The following UBR3 variants were observed in gnomAD, a reference collection of about 807,000 sequenced individuals.
UBR3 encodes the protein E3 ubiquitin-protein ligase UBR3.
In UBR3, 85 loss-of-function variants were observed where a neutral mutation model predicts 243.2. That is an observed-to-expected ratio of 0.35 (90% CI 0.29 to 0.42). The LOEUF (loss-of-function observed/expected upper bound fraction) is 0.42, where lower values mean the gene tolerates loss of function less well. Ranked by LOEUF, UBR3 falls within the 10% of genes least tolerant of loss-of-function variation. UBR3 has a pLI of 1.00. For synonymous variants in UBR3, 748 were observed against 799.8 expected, an observed-to-expected ratio of 0.94 and a Z score of 1.09; for missense variants, 1,686 against 2,300.8, an observed-to-expected ratio of 0.73 and a Z score of 5.47.
chr2:170,014,153 G>T, intron 29 of UBR3: 1 of 183,120 alleles, frequency 5.5e-6, no homozygotes. Context: ...TTAGAAATGG[G>T]TGGCAAATGT....
chr2:169,852,209 A>C (rs955365696), intron 1 of UBR3, among the ~76,000 whole-genome samples: 1 of 152,206 alleles, frequency 6.6e-6, no homozygotes, highest in African/African-American at 2.4e-5. Flanking sequence ...ACAGTGACTC[A>C]GATTTCTGTT....
At position 169,832,972 on chromosome 2, in the gene UBR3, A is replaced by G. The variant is rs181622508; in HGVS notation, c.545+4920A>G. Among the ~76,000 whole-genome samples, 8 of 152,276 alleles carry G rather than the reference A, an allele frequency of 5.3e-5. No individual in the cohort carries two copies. The East Asian group carries it at 1.5e-3, about 29-fold the overall frequency. On this transcript the variant is annotated intron_variant, in intron 1 of 38. Transcript: ENST00000272793. ...TGCTTTATGGGTGGATGAACTCAAA[A>G]CAAAATAACCTGTAATGGAAAGTCT...
intron 1 of UBR3, among the ~76,000 whole-genome samples, chr2:169,842,931 G>A (rs2082348400): frequency 6.6e-6 from 1 of 152,170 alleles, no homozygotes; most frequent in South Asian, 2.1e-4. Flanking sequence ...TTTCTGATAC[G>A]ATATTCCTCA....
intron 1 of UBR3, among the ~76,000 whole-genome samples, chr2:169,844,492 C>CTT (rs71006046): frequency 1.8e-5 from 2 of 111,328 alleles, no homozygotes; most frequent in African/African-American, 3.3e-5. Flanking sequence ...AACCCTCTCT[C>CTT]TTTTTTTTTT....
At chr2:169,852,208 C>T (rs1265389226) in intron 1 of UBR3, among the ~76,000 whole-genome samples, 1 of 152,182 alleles carries the variant, frequency 6.6e-6, no homozygotes, top group Non-Finnish European at 1.5e-5. Flanking sequence ...AACAGTGACT[C>T]AGATTTCTGT....
chr2:170,030,768 C>A (rs1240065432), intron 31 of UBR3, among the ~76,000 whole-genome samples: 2 of 151,942 alleles, frequency 1.3e-5, no homozygotes, highest in Non-Finnish European at 2.9e-5. Flanking sequence ...TTTTTTTCCT[C>A]AATATTTAAA....
At chr2:169,834,387 A>T (rs1356896865) in intron 1 of UBR3, among the ~76,000 whole-genome samples, 1 of 152,196 alleles carries the variant, frequency 6.6e-6, no homozygotes, top group East Asian at 1.9e-4. Flanking sequence ...GTATTCTTGT[A>T]TACACTTGTT....
intron 5 of UBR3, among the ~76,000 whole-genome samples, chr2:169,885,398 A>C (rs1022383901): frequency 6.6e-6 from 1 of 152,140 alleles, no homozygotes; most frequent in African/African-American, 2.4e-5. Context: ...CCTGACCAAC[A>C]TGGAGAAACC....
chr2:169,854,352 G>A (rs1234208259), intron 1 of UBR3, among the ~76,000 whole-genome samples: 1 of 152,098 alleles, frequency 6.6e-6, no homozygotes, highest in Non-Finnish European at 1.5e-5. Flanking sequence ...CATAGTTTTG[G>A]AAATTATATT....
chr2:169,865,474 T>A (rs1220174415), intron 1 of UBR3, among the ~76,000 whole-genome samples: 4 of 152,216 alleles, frequency 2.6e-5, no homozygotes, highest in Admixed American at 1.3e-4. Flanking sequence ...TCTCCAGTCT[T>A]CTGATACACT....
In UBR3 at chr2:169,889,195, T is replaced by C. The variant is rs190872472; in HGVS notation, c.1039-1970T>C. Among the ~76,000 whole-genome samples, 374 of 152,304 alleles carry C rather than the reference T, an allele frequency of 2.5e-3. 3 individuals carry two copies. The highest frequency in any genetic ancestry group is 4.3e-3 in the Non-Finnish European group (293 of 68,022). ...AAGGCCAACTCAGTGGTCTGTGTTTTCAGACTTTTGTCTTTTGCCTTTGCT... is the reference window on the plus strand; with the variant it reads ...AAGGCCAACTCAGTGGTCTGTGTTTCCAGACTTTTGTCTTTTGCCTTTGCT... On this transcript the variant is annotated intron_variant, in intron 5 of 38. Transcript: ENST00000272793.
chr2:169,929,169 A>G (rs1207271470), intron 18 of UBR3, among the ~76,000 whole-genome samples: 5 of 152,216 alleles, frequency 3.3e-5, no homozygotes, highest in South Asian at 2.1e-4. Context: ...CAGAAACTAT[A>G]AAACAAAATG....
chr2:169,847,624 AC>A (rs2082526371), intron 1 of UBR3, among the ~76,000 whole-genome samples: 1 of 152,142 alleles, frequency 6.6e-6, no homozygotes, highest in African/African-American at 2.4e-5. Context: ...CCATCTACTT[AC>A]TATTTCCAGT....
At chr2:170,002,309 A>G (rs13011286) in intron 27 of UBR3, among the ~76,000 whole-genome samples, 89,902 of 152,040 alleles carry the variant, frequency 0.59, 27,932 homozygotes, top group Non-Finnish European at 0.68. Flanking sequence ...GTGGCTTCCT[A>G]TAACAGTGGC....
At chr2:169,996,825 G>A (rs559207864) in intron 26 of UBR3, among the ~76,000 whole-genome samples, 8 of 150,368 alleles carry the variant, frequency 5.3e-5, no homozygotes, top group Non-Finnish European at 8.9e-5. Context: ...TCAGCCTTCC[G>A]AGTAGCTGGG....
At chr2:170,066,921 GC>G (rs915535399) in intron 35 of UBR3, among the ~76,000 whole-genome samples, 5 of 150,246 alleles carry the variant, frequency 3.3e-5, no homozygotes, top group African/African-American at 1.2e-4. Flanking sequence ...CCGAGATCGC[GC>G]CACCGCACTC....
Position 169,915,908 on chromosome 2 carries a change from G to A in UBR3, c.1866+1762G>A, listed in dbSNP as rs181965949. On this transcript the variant is annotated intron_variant, in intron 11 of 38. Transcript: ENST00000272793. ...AGATTATTTCAGATTTGGCCAATGAGAGCCCCTTTAAGCTTAGTTTCTGCT... is the reference window on the plus strand; with the variant it reads ...AGATTATTTCAGATTTGGCCAATGAAAGCCCCTTTAAGCTTAGTTTCTGCT... Among the ~76,000 whole-genome samples, 797 of 152,206 alleles carry A rather than the reference G, an allele frequency of 5.2e-3. 21 individuals are homozygous for A. Among genetic ancestry groups the A allele is most frequent in the Admixed American group, 0.047 (718 of 15,288 alleles).
intron 30 of UBR3, among the ~76,000 whole-genome samples, chr2:170,017,294 A>T (rs2090264119): frequency 1.3e-5 from 2 of 151,938 alleles, no homozygotes; most frequent in Non-Finnish European, 2.9e-5. Context: ...TGCTTTTTGA[A>T]CATCTAATTT....
chr2:169,841,698 A>T (rs1488252954), intron 1 of UBR3, among the ~76,000 whole-genome samples: 1 of 152,222 alleles, frequency 6.6e-6, no homozygotes, highest in Non-Finnish European at 1.5e-5. Flanking sequence ...CGGAGGGTGT[A>T]CTGAGTCCCC....
Sources: gnomAD v4.1 joint callset for allele counts (sites outside exome capture counted in the v4.1 genomes callset) on GRCh38, gnomAD v4.1.1 for gene constraint, MANE v1.5 for transcripts, NCBI Gene and HGNC (gene_info 2026-07-23, HGNC 2026-07-21) for gene names.